PLCG2: variants seen among roughly 807,000 people sequenced by gnomAD.
The protein encoded by PLCG2 is phospholipase C gamma 2.
A neutral mutation model predicts 175.6 loss-of-function variants in PLCG2; 69 were observed. The ratio of observed to expected loss-of-function variants is 0.39; its 90% CI spans 0.32 to 0.48. The LOEUF (loss-of-function observed/expected upper bound fraction) is 0.48. PLCG2 is among the 20% of genes least tolerant of loss of function. The pLI, the probability that PLCG2 is intolerant of heterozygous loss-of-function variation, is 0.91. For missense variants in PLCG2, 1,798 were observed against 1,650.9 expected (o/e 1.09, Z -1.54); for synonymous variants, 827 against 624.0 (o/e 1.33, Z -4.85).
At chr16:81,831,554 C>G (rs958001631) in intron 2 of PLCG2, among the ~76,000 whole-genome samples, 19 of 152,192 alleles carry the variant, frequency 1.2e-4, no homozygotes, top group Non-Finnish European at 1.9e-4. Context: ...CCTCATCCAA[C>G]CCCATACTCC....
chr16:81,932,523 C>G (rs576691477), intron 25 of PLCG2, among the ~76,000 whole-genome samples: 8 of 152,194 alleles, frequency 5.3e-5, no homozygotes, highest in Non-Finnish European at 7.3e-5. Context: ...TGATTAAAGC[C>G]TTCCTGGGGC....
intron 2 of PLCG2, among the ~76,000 whole-genome samples, chr16:81,769,584 G>T (rs963297377): frequency 2.6e-5 from 4 of 152,052 alleles, no homozygotes; most frequent in Non-Finnish European, 5.9e-5. Flanking sequence ...GGAGGCCGAG[G>T]CGGGCGGATC....
Position 81,858,336 on chromosome 16 carries a change from C to T in PLCG2, c.411C>T (p.Ser137=). The change falls in exon 4 of 33, where the codon TCC becomes TCT. Residue 137 remains serine, a synonymous_variant. Coordinates refer to ENST00000564138, the MANE Select transcript of PLCG2 (RefSeq NM_002661.5). The stretch of plus-strand genomic sequence containing the variant: ...TACACCAGGAAGCGATGAATGCGTC[C>T]ACGCCCACCATTATCGAGAGGTAGT... The part of the protein sequence containing the change: ...KILHQEAMNA[S]TPTIIESWLR... 6.2e-7 allele frequency: 1 copy of T among 1,613,350 alleles called. No individual in the cohort carries two copies. The highest frequency in any genetic ancestry group is 8.5e-7 in the Non-Finnish European group (1 of 1,179,294).
At chr16:81,880,816 C>A in intron 7 of PLCG2, 94 bp from the exon 8 acceptor site, 4 of 1,130,378 alleles carry the variant, frequency 3.5e-6, no homozygotes, top group South Asian at 2.6e-5. Flanking sequence ...TTGCATCTGA[C>A]AAAATGATGC....
In PLCG2 at chr16:81,941,284, G is replaced by A. The variant is rs1313479857; in HGVS notation, c.3481+1225G>A. Among the ~76,000 whole-genome samples, 3 of 152,294 alleles carry A rather than the reference G, an allele frequency of 2.0e-5. No homozygotes were observed. In the East Asian group the frequency reaches 5.8e-4, roughly 29 times the overall value. On this transcript the variant is annotated intron_variant, in intron 30 of 32. Transcript: ENST00000564138. ...GCTCACTCCTGTAATCATAATCCCAGCTACTTGGAAGGCTGAGGTTGCACC... is the reference window on the plus strand; with the variant it reads ...GCTCACTCCTGTAATCATAATCCCAACTACTTGGAAGGCTGAGGTTGCACC...
chr16:81,743,312 C>T (rs1453545534), intron 1 of PLCG2, among the ~76,000 whole-genome samples: 3 of 152,204 alleles, frequency 2.0e-5, no homozygotes, highest in Non-Finnish European at 2.9e-5. Flanking sequence ...AGTAGCACCA[C>T]GGCCTTCCAG....
chr16:81,943,466 C>T (rs1911033391), intron 30 of PLCG2, among the ~76,000 whole-genome samples: 1 of 152,154 alleles, frequency 6.6e-6, no homozygotes, highest in African/African-American at 2.4e-5. Flanking sequence ...GGAAGTCCAC[C>T]CCCATTATCC....
intron 2 of PLCG2, among the ~76,000 whole-genome samples, chr16:81,812,252 T>C (rs1012277307): frequency 1.3e-5 from 2 of 152,046 alleles, no homozygotes; most frequent in Non-Finnish European, 2.9e-5. Context: ...AGTTTCACCG[T>C]GTTAGCCAGG....
upstream of PLCG2, among the ~76,000 whole-genome samples, chr16:81,778,947 C>T (rs4511521): frequency 0.55 from 84,198 of 152,128 alleles, 23,651 homozygotes; most frequent in South Asian, 0.75. Flanking sequence ...AGGCGTGAGC[C>T]CGGGCGCCCG....
intron 2 of PLCG2, among the ~76,000 whole-genome samples, chr16:81,851,201 C>A (rs1476234144): frequency 6.6e-6 from 1 of 152,218 alleles, no homozygotes; most frequent in Non-Finnish European, 1.5e-5. Context: ...ATTTTAGACT[C>A]TTGTGGACCT....
intron 2 of PLCG2, among the ~76,000 whole-genome samples, chr16:81,827,381 G>T (rs1905088738): frequency 2.0e-5 from 3 of 151,842 alleles, no homozygotes. Context: ...TAGAGCTGGG[G>T]TTTTGCCATG....
intron 5 of PLCG2, among the ~76,000 whole-genome samples, chr16:81,867,433 C>A (rs138330842): frequency 2.4e-4 from 37 of 152,276 alleles, no homozygotes; most frequent in African/African-American, 8.7e-4. Flanking sequence ...TCATTATGGG[C>A]ACACTGGGTT....
intron 6 of PLCG2, among the ~76,000 whole-genome samples, chr16:81,869,549 C>G (rs1471355411): frequency 6.6e-6 from 1 of 152,184 alleles, no homozygotes; most frequent in Admixed American, 6.5e-5. Flanking sequence ...ACCCTCAGAC[C>G]TGTTTTCCAT....
chr16:81,768,673 C>G (rs563476126), intron 2 of PLCG2, among the ~76,000 whole-genome samples: 133 of 151,884 alleles, frequency 8.8e-4, no homozygotes, highest in Non-Finnish European at 1.2e-3. Context: ...TCAAGCGACC[C>G]TCCTGCCTCA....
intron 9 of PLCG2, among the ~76,000 whole-genome samples, chr16:81,888,260 G>T (rs1302844006): frequency 6.6e-6 from 1 of 152,092 alleles, no homozygotes; most frequent in African/African-American, 2.4e-5. Flanking sequence ...GTCCAGGCTG[G>T]AGTGCAATGG....
intron 31 of PLCG2, among the ~76,000 whole-genome samples, chr16:81,951,615 C>T (rs1911369182): frequency 6.6e-6 from 1 of 152,144 alleles, no homozygotes; most frequent in South Asian, 2.1e-4. Context: ...AGATAGTACT[C>T]CTAGCTTTCC....
intron 23 of PLCG2, among the ~76,000 whole-genome samples, chr16:81,927,732 G>C (rs758517893): frequency 6.6e-6 from 1 of 152,186 alleles, no homozygotes; most frequent in South Asian, 2.1e-4. Flanking sequence ...ATTTTCTAAG[G>C]GATGTAGGGC....
At chr16:81,869,704 G>C (rs1014884770) in intron 6 of PLCG2, among the ~76,000 whole-genome samples, 8 of 152,180 alleles carry the variant, frequency 5.3e-5, no homozygotes, top group African/African-American at 1.9e-4. Context: ...GCAAGTCCTG[G>C]TAGTGTAGCT....
At chr16:81,778,915 C>A (rs1264989605), upstream of PLCG2, among the ~76,000 whole-genome samples, 1 of 152,366 alleles carries the variant, frequency 6.6e-6, no homozygotes, top group South Asian at 2.1e-4. Flanking sequence ...CCCGTCTAGG[C>A]TTCCCAAAGA....
Sources: gnomAD v4.1 joint callset for allele counts (sites outside exome capture counted in the v4.1 genomes callset) on GRCh38, gnomAD v4.1.1 for gene constraint, MANE v1.5 for transcripts, NCBI Gene and HGNC (gene_info 2026-07-23, HGNC 2026-07-21) for gene names.